Variants in TNFSF4 observed in about 807,000 individuals in gnomAD.
TNFSF4 encodes the protein tumor necrosis factor ligand superfamily member 4.
A neutral mutation model predicts 7.3 loss-of-function variants in TNFSF4; 4 were observed. That is an observed-to-expected ratio of 0.55 (90% CI 0.27 to 1.25). The LOEUF is 1.25. TNFSF4 is among the 50% of genes most tolerant of loss of function. The pLI, the probability that TNFSF4 is intolerant of heterozygous loss-of-function variation, is 0.12. For synonymous variants in TNFSF4, 76 were observed against 83.7 expected (o/e 0.91, Z 0.50); for missense variants, 181 against 208.8 (o/e 0.87, Z 0.82).
chr1:173,181,583 G>A (rs1649055915), downstream of TNFSF4, among the ~76,000 whole-genome samples: 1 of 152,076 alleles, frequency 6.6e-6, no homozygotes, highest in South Asian at 2.1e-4. Flanking sequence ...GATTTCTCAA[G>A]GGCTCTGGCA....
the TNFSF4 span, among the ~76,000 whole-genome samples, chr1:173,284,451 G>C: frequency 6.6e-6 from 1 of 152,210 alleles, no homozygotes; most frequent in African/African-American, 2.4e-5. Flanking sequence ...GTCTAGGTAA[G>C]ACAATTGATA....
chr1:173,213,299 GT>G, the TNFSF4 span, among the ~76,000 whole-genome samples: 4 of 150,518 alleles, frequency 2.7e-5, no homozygotes, highest in East Asian at 1.9e-4. Context: ...GCTTAGTTTT[GT>G]TTTTTTTTAA....
the TNFSF4 span, among the ~76,000 whole-genome samples, chr1:173,278,551 C>T: frequency 6.6e-6 from 1 of 152,086 alleles, no homozygotes. Context: ...TGAGGCAGAG[C>T]TCAATGAAAC....
chr1:173,345,005 T>C, the TNFSF4 span, among the ~76,000 whole-genome samples: 1 of 152,208 alleles, frequency 6.6e-6, no homozygotes, highest in East Asian at 1.9e-4. Context: ...AATATTTACA[T>C]AGTGGTATTA....
At chr1:173,308,285 C>CTCTCTCTG in the TNFSF4 span, among the ~76,000 whole-genome samples, 955 of 135,082 alleles carry the variant, frequency 7.1e-3, 6 homozygotes, top group Non-Finnish European at 9.7e-3. Context: ...CTCTCTCTCT[C>CTCTCTCTG]TGTGTGTGTG....
chr1:173,318,972 C>T, the TNFSF4 span, among the ~76,000 whole-genome samples: 1 of 152,226 alleles, frequency 6.6e-6, no homozygotes, highest in Non-Finnish European at 1.5e-5. Context: ...CCCAGTGATG[C>T]CTGGAACCCC....
the TNFSF4 span, among the ~76,000 whole-genome samples, chr1:173,335,951 C>T: frequency 6.6e-6 from 1 of 152,178 alleles, no homozygotes; most frequent in Non-Finnish European, 1.5e-5. Flanking sequence ...AGAACCAAAA[C>T]GTGACTTTGA....
chr1:173,291,273 A>C, the TNFSF4 span, among the ~76,000 whole-genome samples: 1 of 152,148 alleles, frequency 6.6e-6, no homozygotes, highest in Non-Finnish European at 1.5e-5. Context: ...ACTTACTATC[A>C]TGAGGACAGC....
chr1:173,262,596 T>C, the TNFSF4 span, among the ~76,000 whole-genome samples: 1 of 133,732 alleles, frequency 7.5e-6, no homozygotes, highest in Non-Finnish European at 1.6e-5. Flanking sequence ...GCCCAAAAGA[T>C]TCTTTTTTTT....
At chr1:173,213,299 G>GT in the TNFSF4 span, among the ~76,000 whole-genome samples, 119 of 150,632 alleles carry the variant, frequency 7.9e-4, 1 homozygote, top group East Asian at 8.7e-3. Flanking sequence ...GCTTAGTTTT[G>GT]TTTTTTTTTA....
At chr1:173,229,172 G>A in the TNFSF4 span, among the ~76,000 whole-genome samples, 1 of 152,192 alleles carries the variant, frequency 6.6e-6, no homozygotes, top group African/African-American at 2.4e-5. Flanking sequence ...GTTAAGGGCA[G>A]CAAGACAAAG....
chr1:173,183,285 G>GTGT (rs1309870785), downstream of TNFSF4, among the ~76,000 whole-genome samples: 7 of 152,190 alleles, frequency 4.6e-5, no homozygotes, highest in African/African-American at 1.7e-4. Context: ...GGGAACAGAA[G>GTGT]TGTTTTAAGG....
chr1:173,173,751 G>A, the TNFSF4 span, among the ~76,000 whole-genome samples: 4 of 152,214 alleles, frequency 2.6e-5, no homozygotes, highest in African/African-American at 9.6e-5. Context: ...GAAGCAGCTG[G>A]GACACAGGGC....
chr1:173,247,818 T>C, the TNFSF4 span, among the ~76,000 whole-genome samples: 1 of 152,232 alleles, frequency 6.6e-6, no homozygotes, highest in Non-Finnish European at 1.5e-5. Flanking sequence ...AGCTTCGTGA[T>C]ACATTTATGA....
intron 2 of TNFSF4, among the ~76,000 whole-genome samples, chr1:173,187,814 A>G (rs1649297693): frequency 6.6e-6 from 1 of 152,196 alleles, no homozygotes. Flanking sequence ...TGAATAGCCA[A>G]GTAACCACAT....
the TNFSF4 span, among the ~76,000 whole-genome samples, chr1:173,416,056 T>C: frequency 6.6e-6 from 1 of 152,012 alleles, no homozygotes; most frequent in Admixed American, 6.5e-5. Context: ...ATTGGCTCCT[T>C]TGGGAGTTGG....
the TNFSF4 span, among the ~76,000 whole-genome samples, chr1:173,395,239 T>C: frequency 6.6e-6 from 1 of 151,276 alleles, no homozygotes; most frequent in East Asian, 2.0e-4. Flanking sequence ...TTGAAGATAC[T>C]AATGACTATT....
the TNFSF4 span, among the ~76,000 whole-genome samples, chr1:173,330,652 A>C: frequency 6.6e-6 from 1 of 152,150 alleles, no homozygotes; most frequent in African/African-American, 2.4e-5. Context: ...GGATATTAAT[A>C]ATTATAATTA....
rs148290313 is a variant in TNFSF4 at position 173,194,143 on chromosome 1, A to T, written c.154-5574T>A. ...ATCTTCAACCACACCCTGTGCAAAA[A>T]GCATGCCTGTCCAAAAGCTGGTGCT... On this transcript the variant is annotated intron_variant, in intron 1 of 2. Transcript: ENST00000281834. Among the ~76,000 whole-genome samples the T allele has an allele frequency of 3.2e-3, 482 of 152,358 alleles. 6 individuals are homozygous for T. The highest frequency in any genetic ancestry group is 0.011 in the African/African-American group (460 of 41,590).
Sources: allele counts gnomAD v4.1 joint callset (sites outside exome capture counted in the v4.1 genomes callset), GRCh38; gene constraint gnomAD v4.1.1; transcripts MANE v1.5; gene names NCBI Gene and HGNC (gene_info 2026-07-23, HGNC 2026-07-21).